GRHL2: variants seen among roughly 807,000 people sequenced by gnomAD.
GRHL2 encodes grainyhead-like protein 2 homolog.
Under a neutral mutation model 83.8 loss-of-function variants are expected in GRHL2, and 21 were observed. The observed-to-expected ratio is 0.25, with a 90% confidence interval of 0.18 to 0.36. GRHL2 has a LOEUF of 0.36. Among genes scored for constraint, GRHL2 ranks in the 10% least tolerant of loss-of-function variants. GRHL2 has a pLI of 1.00. For synonymous variants in GRHL2, 280 were observed against 278.9 expected (o/e 1.00, Z -0.04); for missense variants, 623 against 781.8 (o/e 0.80, Z 2.42).
intron 14 of GRHL2, among the ~76,000 whole-genome samples, chr8:101,657,916 C>T (rs184916171): frequency 5.9e-5 from 9 of 152,116 alleles, no homozygotes; most frequent in African/African-American, 1.7e-4. Context: ...TCCGACAGAA[C>T]GATCATGTGC....
At chr8:101,627,660 T>G (rs897487812) in intron 9 of GRHL2, among the ~76,000 whole-genome samples, 2 of 152,126 alleles carry the variant, frequency 1.3e-5, no homozygotes, top group African/African-American at 2.4e-5. Context: ...GGAAGGCATA[T>G]CAAAAGCTGA....
intron 7 of GRHL2, among the ~76,000 whole-genome samples, chr8:101,585,697 A>T (rs1812149193): frequency 6.6e-6 from 1 of 152,262 alleles, no homozygotes; most frequent in Non-Finnish European, 1.5e-5. Context: ...AACCTTGATT[A>T]GAAACAGTTA....
At chr8:101,622,745 G>A (rs578091686) in intron 9 of GRHL2, among the ~76,000 whole-genome samples, 5 of 152,272 alleles carry the variant, frequency 3.3e-5, no homozygotes, top group Non-Finnish European at 1.5e-5. Flanking sequence ...ACATGAGTAA[G>A]CTCTTTAGTG....
intron 9 of GRHL2, among the ~76,000 whole-genome samples, chr8:101,624,389 GGACAGTTCACAGTAA>G (rs942960591): frequency 3.3e-5 from 5 of 150,814 alleles, no homozygotes; most frequent in African/African-American, 1.2e-4. Flanking sequence ...GTACACAGTA[GGACAGTTCACAGTAA>G]GACAGTTCAC....
rs117548316 is a variant in GRHL2, at chr8:101,595,511, T to A, written c.1004-3546T>A. Among the ~76,000 whole-genome samples, 345 of 152,350 alleles carry A rather than the reference T, an allele frequency of 2.3e-3. 8 individuals carry two copies. The East Asian group carries it at 0.057, about 25-fold the overall frequency. On this transcript the variant is annotated intron_variant, in intron 7 of 15. Transcript: ENST00000646743. Reference sequence around the variant, plus strand: ...TTAAAACTTCAAAGTTGCGAGACTATCTTTTAGAATAATTAGCTATAAAGA... The same window carrying A: ...TTAAAACTTCAAAGTTGCGAGACTAACTTTTAGAATAATTAGCTATAAAGA...
At chr8:101,678,749 T>G in the GRHL2 span, among the ~76,000 whole-genome samples, 1 of 152,022 alleles carries the variant, frequency 6.6e-6, no homozygotes, top group East Asian at 1.9e-4. Context: ...ACGGGCAGAC[T>G]GCCTCCTCAA....
chr8:101,615,426 A>G (rs1812835169), intron 8 of GRHL2, among the ~76,000 whole-genome samples: 1 of 152,204 alleles, frequency 6.6e-6, no homozygotes, highest in Admixed American at 6.5e-5. Flanking sequence ...ATGAATCTCA[A>G]TAGCTTAGGA....
chr8:101,510,191 T>C (rs1810434926), intron 1 of GRHL2, among the ~76,000 whole-genome samples: 1 of 152,060 alleles, frequency 6.6e-6, no homozygotes. Context: ...GAGATGGTGT[T>C]TCACCATGTT....
At chr8:101,620,222 C>G (rs945495778) in intron 9 of GRHL2, among the ~76,000 whole-genome samples, 2 of 152,146 alleles carry the variant, frequency 1.3e-5, no homozygotes, top group Non-Finnish European at 2.9e-5. Flanking sequence ...TCATCTAAAC[C>G]CAATTACCTC....
intron 9 of GRHL2, among the ~76,000 whole-genome samples, chr8:101,628,077 C>T (rs1487217784): frequency 6.6e-6 from 1 of 152,136 alleles, no homozygotes; most frequent in Non-Finnish European, 1.5e-5. Context: ...TAACTAAGAT[C>T]ATTGATGAAG....
At chr8:101,581,368 G>C (rs1812050165) in intron 7 of GRHL2, among the ~76,000 whole-genome samples, 1 of 152,170 alleles carries the variant, frequency 6.6e-6, no homozygotes, top group South Asian at 2.1e-4. Context: ...AGATTCTGCT[G>C]CTTTTCAAAA....
At chr8:101,597,968 T>C (rs530819918) in intron 7 of GRHL2, among the ~76,000 whole-genome samples, 23 of 152,292 alleles carry the variant, frequency 1.5e-4, no homozygotes, top group African/African-American at 5.3e-4. Flanking sequence ...TGAATACATT[T>C]TGAAGATAAG....
At chr8:101,623,611 T>A (rs1271057646) in intron 9 of GRHL2, among the ~76,000 whole-genome samples, 1 of 151,688 alleles carries the variant, frequency 6.6e-6, no homozygotes, top group Non-Finnish European at 1.5e-5. Flanking sequence ...TAGTACACAG[T>A]AGGGCAGTTT....
chr8:101,588,696 CT>C (rs1812216977), intron 7 of GRHL2, among the ~76,000 whole-genome samples: 4 of 152,300 alleles, frequency 2.6e-5, no homozygotes, highest in Admixed American at 2.0e-4. Context: ...AGTCTTTCTT[CT>C]GCACTGCCAA....
intron 2 of GRHL2, among the ~76,000 whole-genome samples, chr8:101,544,601 T>A (rs1233724646): frequency 6.6e-6 from 1 of 152,210 alleles, no homozygotes; most frequent in Non-Finnish European, 1.5e-5. Context: ...TAAACACCTT[T>A]GGCTGATGCT....
intron 1 of GRHL2, among the ~76,000 whole-genome samples, chr8:101,540,625 T>C (rs535532963): frequency 4.2e-4 from 64 of 152,260 alleles, no homozygotes; most frequent in African/African-American, 1.5e-3. Flanking sequence ...AGTGTCTTTT[T>C]TTCTGACCTG....
At chr8:101,560,513 C>T (rs1427752431) in intron 4 of GRHL2, among the ~76,000 whole-genome samples, 5 of 152,150 alleles carry the variant, frequency 3.3e-5, no homozygotes, top group South Asian at 2.1e-4. Context: ...TCATTTCTCT[C>T]GGGTAAATAC....
intron 4 of GRHL2, among the ~76,000 whole-genome samples, chr8:101,567,463 C>G (rs1211421595): frequency 6.6e-6 from 1 of 152,120 alleles, no homozygotes; most frequent in Admixed American, 6.6e-5. Flanking sequence ...GCCATGTAAC[C>G]CATCAATGTA....
At chr8:101,593,315 T>G (rs1278132630) in intron 7 of GRHL2, among the ~76,000 whole-genome samples, 1 of 152,206 alleles carries the variant, frequency 6.6e-6, no homozygotes, top group Non-Finnish European at 1.5e-5. Flanking sequence ...TGGGAAATAT[T>G]AAGCCATTTT....
Sources: allele counts gnomAD v4.1 joint callset (sites outside exome capture counted in the v4.1 genomes callset), GRCh38; gene constraint gnomAD v4.1.1; transcripts MANE v1.5; gene names NCBI Gene and HGNC (gene_info 2026-07-23, HGNC 2026-07-21).